Variants in PSMD2 observed in about 807,000 individuals in gnomAD.
The protein encoded by PSMD2 is proteasome 26S subunit ubiquitin receptor, non-ATPase 2.
A neutral mutation model predicts 101.5 loss-of-function variants in PSMD2; 8 were observed. That is an observed-to-expected ratio of 0.08 (90% CI 0.05 to 0.14). PSMD2 has a LOEUF of 0.14. PSMD2 is among the 10% of genes least tolerant of loss of function. The pLI is 1.00. For synonymous variants in PSMD2, 418 were observed against 433.8 expected, an observed-to-expected ratio of 0.96 and a Z score of 0.45; for missense variants, 784 against 1,147.4, an observed-to-expected ratio of 0.68 and a Z score of 4.58.
chr3:184,302,481 C>T lies in PSMD2; in HGVS notation c.816C>T (p.Leu272=), dbSNP rs1253539089. 3 of 1,614,090 alleles carry T rather than the reference C, an allele frequency of 1.9e-6. No homozygotes were observed. Among genetic ancestry groups the T allele is most frequent in the Non-Finnish European group, 1.7e-6 (2 of 1,180,032 alleles). The change falls in exon 6 of 21, where the codon CTC becomes CTT. Residue 272 remains leucine (L), a synonymous_variant. Transcript: ENST00000310118. ...AAGCTCTGAGATTGGCATTGATGCT[C>T]AATGACATGGAGTTGGTAGAAGACA... The part of the protein sequence containing the change: ...FPEALRLALM[L]NDMELVEDIF...
At chr3:184,302,136 C>T in intron 5 of PSMD2, 65 bp downstream of exon 5, 1 of 1,514,114 alleles carries the variant, frequency 6.6e-7, no homozygotes, top group Non-Finnish European at 9.1e-7. Context: ...CTCAATTGCG[C>T]CTCCTCTATT....
At position 184,309,031 on chromosome 3, in the gene PSMD2, A is replaced by T; in HGVS notation, c.*141A>T. 1 of 898,034 alleles carries T rather than the reference A, an allele frequency of 1.1e-6. No homozygotes were observed. Among genetic ancestry groups the T allele is most frequent in the South Asian group, 1.7e-5 (1 of 59,500 alleles). The allele number at this position is 898,034 out of a possible 1,614,324, so 55.6% of individuals were successfully genotyped here. A position where few individuals can be genotyped will look rare whatever the true frequency, so the allele number is the denominator to read the frequency against. On this transcript the variant is annotated 3_prime_UTR_variant, in exon 21 of 21. Transcript: ENST00000310118. ...TTACTGAGTGAGATAAGGTTGTTCA[A>T]TAAAGACTTTTATCCCCAAGGTCTC...
rs1721742157 is a variant in PSMD2, at chr3:184,304,111, C to T, written c.1451+37C>T. 1 of 1,611,942 alleles carries T rather than the reference C, an allele frequency of 6.2e-7. No individual in the cohort carries two copies. Among genetic ancestry groups the T allele is most frequent in the African/African-American group, 1.3e-5 (1 of 75,016 alleles). On this transcript the variant is annotated intron_variant, in intron 11 of 20. Transcript: ENST00000310118. This position sits in a 1 kb window ranked among gnomAD's most constrained non-coding sequence, Gnocchi z 4.1. The stretch of plus-strand genomic sequence containing the variant: ...CGCTTGTCTTTCTGGTAGTGCTCAG[C>T]CTGTACACTCTGGAGAACAGGAACT...
intron 16 of PSMD2, 136 bp downstream of exon 16, chr3:184,306,970 T>A: frequency 1.3e-6 from 1 of 756,380 alleles, no homozygotes; most frequent in Non-Finnish European, 2.1e-6. Context: ...TTTCTTTTCT[T>A]TTTTGAAGCG....
Position 184,308,739 on chromosome 3 carries a change from C to G in PSMD2, c.2576C>G (p.Pro859Arg), listed in dbSNP as rs1360532400. ...GATGTGGTGGGCCAGGCTGGCAAGCCGAAGACTATCACAGGGTTCCAGACG... is the reference window on the plus strand; with the variant it reads ...GATGTGGTGGGCCAGGCTGGCAAGCGGAAGACTATCACAGGGTTCCAGACG... ...AVDVVGQAGKPKTITGFQTHT... is the reference protein window; with the variant it reads ...AVDVVGQAGKRKTITGFQTHT... Residue 859 changes from proline to arginine, a missense_variant, in exon 21 of 21, where the codon CCG becomes CGG. This residue lies in a region of PSMD2 where 28 missense variants were observed against 80.8 expected (regional missense o/e 0.35). Coordinates refer to ENST00000310118, the MANE Select transcript of PSMD2 (RefSeq NM_002808.5). This position sits in a 1 kb window ranked among gnomAD's most constrained non-coding sequence, Gnocchi z 6.0. 1.2e-6 allele frequency: 2 copies of G among 1,614,008 alleles called. No individual in the cohort carries two copies. Among genetic ancestry groups the G allele is most frequent in the Non-Finnish European group, 1.7e-6 (2 of 1,179,904 alleles).
intron 16 of PSMD2, 59 bp from the exon 17 acceptor site, chr3:184,307,298 G>A (rs1721864934): frequency 1.1e-5 from 17 of 1,576,286 alleles, no homozygotes; most frequent in Non-Finnish European, 1.5e-5. Context: ...GTCCACTCCT[G>A]TAATGGAATT....
In PSMD2 at chr3:184,306,747, G is replaced by A. The variant is rs767228585; in HGVS notation, c.1951-4G>A. The stretch of plus-strand genomic sequence containing the variant: ...AATGGGTTCTGCTCTCTCTTCAATT[G>A]CAGGGAGTGGCTGTTCTGGGGATTG... On this transcript the variant is annotated splice_region_variant and splice_polypyrimidine_tract_variant and intron_variant, in intron 15 of 20. Coordinates refer to ENST00000310118, the MANE Select transcript of PSMD2 (RefSeq NM_002808.5). 1.2e-6 allele frequency: 2 copies of A among 1,612,724 alleles called. No homozygotes were observed. The highest frequency in any genetic ancestry group is 2.7e-5 in the African/African-American group (2 of 74,826).
rs771927657 is a variant in PSMD2 at position 184,301,887 on chromosome 3, G to A, written c.520G>A (p.Asp174Asn). 6.2e-7 allele frequency: 1 copy of A among 1,614,216 alleles called. No homozygotes were observed. Among genetic ancestry groups the A allele is most frequent in the South Asian group, 1.1e-5 (1 of 91,076 alleles). ...GEVAKEWQEL[D>N]DAEKVQREPL... ...AGTGGCTAAGGAGTGGCAGGAGCTG[G>A]ATGACGCAGAGAAGGTCCAGCGGGA... is the stretch of plus-strand genomic sequence containing the variant. Residue 174 changes from aspartate to asparagine, a missense_variant, in exon 5 of 21, where the codon GAT becomes AAT. Coordinates refer to ENST00000310118, the MANE Select transcript of PSMD2 (RefSeq NM_002808.5).
At chr3:184,305,693 G>A in intron 12 of PSMD2, 75 bp from the exon 13 acceptor site, 1 of 1,369,010 alleles carries the variant, frequency 7.3e-7, no homozygotes, top group Non-Finnish European at 1.0e-6. Flanking sequence ...TGGACTGTAG[G>A]AATAGGCTAT....
rs956561285 is a variant in PSMD2, at chr3:184,300,293, C to T, written c.206C>T (p.Ser69Phe). ...TCTCTTGATCAGGAGAAGGATACAT[C>T]CCTGTATCGACCAGCGCTGGAGGAA... is the stretch of plus-strand genomic sequence containing the variant. ...LVERLGEKDTSLYRPALEELR... is the reference protein window; with the variant it reads ...LVERLGEKDTFLYRPALEELR... Residue 69 changes from serine to phenylalanine, a missense_variant, in exon 3 of 21, where the codon TCC becomes TTC. Physicochemically the swap from Ser to Phe is radical, Grantham distance 155 (BLOSUM62 -2). Transcript: ENST00000310118. 6.2e-7 allele frequency: 1 copy of T among 1,613,578 alleles called. No homozygotes were observed. Among genetic ancestry groups the T allele is most frequent in the African/African-American group, 1.3e-5 (1 of 74,900 alleles).
chr3:184,299,555 C>T (rs1458138552), intron 1 of PSMD2, 154 bp downstream of exon 1: 2 of 1,080,812 alleles, frequency 1.9e-6, no homozygotes, highest in Middle Eastern at 3.3e-4. Flanking sequence ...CCTCTCTGCT[C>T]CTCATTCTCC....
rs566182128 is a variant in PSMD2, at chr3:184,304,304, G to C, written c.1452G>C (p.Gly484=). The change falls in exon 12 of 21, where the codon GGG becomes GGC. Residue 484 remains glycine (G), a splice_region_variant and synonymous_variant. Transcript: ENST00000310118. This position sits in a 1 kb window ranked among gnomAD's most constrained non-coding sequence, Gnocchi z 4.1. ...GACCGCCTTTCCATGGCTTTTGCAG[G>C]CTAGGCTTGGCTTATGCTGGCTCAA... is the stretch of plus-strand genomic sequence containing the variant. ...SNTMRLGSIF[G]LGLAYAGSNR... The C allele has an allele frequency of 2.5e-6, 4 of 1,614,046 alleles. No individual in the cohort carries two copies. Among genetic ancestry groups the C allele is most frequent in the African/African-American group, 2.7e-5 (2 of 74,912 alleles).
intron 10 of PSMD2, 96 bp downstream of exon 10, chr3:184,303,845 TTAACTC>T: frequency 6.2e-7 from 1 of 1,603,434 alleles, no homozygotes; most frequent in African/African-American, 1.3e-5. Context: ...TGCCCAGTTT[TTAACTC>T]TAGTTAATAA....
At position 184,300,297 on chromosome 3, in the gene PSMD2, G is replaced by A. The variant is rs764079832; in HGVS notation, c.210G>A (p.Leu70=). 19 of 1,613,794 alleles carry A rather than the reference G, an allele frequency of 1.2e-5. No homozygotes were observed. The South Asian group carries it at 1.9e-4, about 16-fold the overall frequency. Reference sequence around the variant, plus strand: ...TTGATCAGGAGAAGGATACATCCCTGTATCGACCAGCGCTGGAGGAATTGC... The same window carrying A: ...TTGATCAGGAGAAGGATACATCCCTATATCGACCAGCGCTGGAGGAATTGC... ...VERLGEKDTS[L]YRPALEELRR... The change falls in exon 3 of 21, where the codon CTG becomes CTA. Residue 70 remains leucine, a synonymous_variant. Coordinates refer to ENST00000310118, the MANE Select transcript of PSMD2 (RefSeq NM_002808.5).
intron 2 of PSMD2, 96 bp from the exon 3 acceptor site, chr3:184,300,184 C>A: frequency 7.9e-7 from 1 of 1,263,538 alleles, no homozygotes; most frequent in Non-Finnish European, 1.1e-6. Flanking sequence ...TAAGACACAG[C>A]ATTTCCTTGG....
Position 184,308,905 on chromosome 3 carries a change from C to T in PSMD2, c.*15C>T, listed in dbSNP as rs201504142. On this transcript the variant is annotated 3_prime_UTR_variant, in exon 21 of 21. Transcript: ENST00000310118. This position sits in a 1 kb window ranked among gnomAD's most constrained non-coding sequence, Gnocchi z 6.0. ...ATGATCTCTAAGTGACCACCAGGGG[C>T]TCTGAACTGCAGCTGATGTTATCAG... 6.2e-7 allele frequency: 1 copy of T among 1,606,466 alleles called. No homozygotes were observed. The highest frequency in any genetic ancestry group is 8.5e-7 in the Non-Finnish European group (1 of 1,176,204).
At position 184,299,355 on chromosome 3, in the gene PSMD2, G is replaced by A; in HGVS notation, c.89G>A (p.Gly30Asp). The change falls in exon 1 of 21, where the codon GGC becomes GAC. Residue 30 changes from glycine (G) to aspartate (D), a missense_variant. By Grantham distance (94) the Gly-to-Asp change is moderately conservative. Transcript: ENST00000310118. ...APGGTDEKPS[G>D]KERRDAGDKD... ...GGCGGCACGGACGAGAAGCCGAGCG[G>A]CAAGGAGCGGCGGGATGCCGGGGAC... 7.1e-7 allele frequency: 1 copy of A among 1,413,786 alleles called. No homozygotes were observed. The highest frequency in any genetic ancestry group is 9.2e-7 in the Non-Finnish European group (1 of 1,087,408). The allele number at this position is 1,413,786 out of a possible 1,614,324, so 87.6% of individuals were successfully genotyped here.
chr3:184,300,438 G>A lies in PSMD2; in HGVS notation c.351G>A (p.Glu117=). The change falls in exon 3 of 21, where the codon GAG becomes GAA. Residue 117 remains glutamate, a synonymous_variant. Transcript: ENST00000310118. ...TCTATGAGAACATGGCCCCTGGGGA[G>A]AATAAGGTAAAACTGTTTCAAACCT... ...KEIYENMAPG[E]NKRFAADIIS... The A allele has an allele frequency of 3.7e-6, 6 of 1,613,212 alleles. No homozygotes were observed. The highest frequency in any genetic ancestry group is 5.1e-6 in the Non-Finnish European group (6 of 1,179,710).
intron 17 of PSMD2, 43 bp from the exon 18 acceptor site, chr3:184,307,571 T>G (rs1457937400): frequency 1.9e-6 from 3 of 1,614,060 alleles, no homozygotes; most frequent in Non-Finnish European, 2.5e-6. Flanking sequence ...GGGGGAAGAT[T>G]TGAAGCCCCT....
Sources: gnomAD v4.1 joint callset for allele counts on GRCh38, gnomAD v4.1.1 for gene constraint, gnomAD v4.1.1 regional missense constraint, Gnocchi (gnomAD v3.1) non-coding constraint, MANE v1.5 for transcripts, NCBI Gene and HGNC (gene_info 2026-07-23, HGNC 2026-07-21) for gene names.